The following VDAC1 variants were observed in gnomAD, a reference collection of about 807,000 sequenced individuals.
The protein encoded by VDAC1 is voltage dependent anion channel 1.
Under a neutral mutation model 34.7 loss-of-function variants are expected in VDAC1, and 10 were observed. The ratio of observed to expected loss-of-function variants is 0.29; its 90% CI spans 0.18 to 0.49. The LOEUF is 0.49. VDAC1 is among the 20% of genes least tolerant of loss of function. The probability of loss-of-function intolerance (pLI) is 0.99; values close to 1 mark genes in which losing one functional copy is unlikely to be tolerated. For missense variants in VDAC1, 230 were observed against 347.9 expected, an observed-to-expected ratio of 0.66 and a Z score of 2.69; for synonymous variants, 130 against 136.0, an observed-to-expected ratio of 0.96 and a Z score of 0.30.
chr5:134,004,779 C>G (rs1333314951), intron 1 of VDAC1, 116 bp downstream of exon 1: 1 of 149,498 alleles, frequency 6.7e-6, no homozygotes, highest in Non-Finnish European at 1.5e-5. Context: ...GGCGGCGGCG[C>G]GGACCCGCCT....
chr5:134,066,667 C>A, the VDAC1 span, among the ~76,000 whole-genome samples: 1 of 152,332 alleles, frequency 6.6e-6, no homozygotes, highest in Non-Finnish European at 1.5e-5. Context: ...CTCTTCCTTT[C>A]TTATTGCTCT....
chr5:134,043,923 C>G, the VDAC1 span, among the ~76,000 whole-genome samples: 2 of 152,144 alleles, frequency 1.3e-5, no homozygotes, highest in Non-Finnish European at 2.9e-5. Context: ...CTTCCATTCT[C>G]TCACCTAATC....
chr5:134,035,440 G>A, the VDAC1 span, among the ~76,000 whole-genome samples: 1 of 152,112 alleles, frequency 6.6e-6, no homozygotes, highest in African/African-American at 2.4e-5. Flanking sequence ...TAGAAAAGAG[G>A]TCTCATCATT....
chr5:134,092,059 ACTAAGTC>A, the VDAC1 span, among the ~76,000 whole-genome samples: 1 of 152,134 alleles, frequency 6.6e-6, no homozygotes, highest in Non-Finnish European at 1.5e-5. Context: ...CAACCCTTGA[ACTAAGTC>A]CTGGTGTTTG....
At chr5:133,981,072 A>T in intron 5 of VDAC1, 116 bp from the exon 6 acceptor site, 1 of 829,276 alleles carries the variant, frequency 1.2e-6, no homozygotes, top group African/African-American at 1.7e-5. Flanking sequence ...GGGTGAAGTC[A>T]GGGCTCCAGT....
the VDAC1 span, among the ~76,000 whole-genome samples, chr5:134,048,135 C>T: frequency 6.6e-6 from 1 of 151,974 alleles, no homozygotes; most frequent in Non-Finnish European, 1.5e-5. Context: ...GCCCTGCTAA[C>T]TTTTTCTATT....
the VDAC1 span, among the ~76,000 whole-genome samples, chr5:134,101,374 G>A: frequency 8.5e-5 from 13 of 152,124 alleles, no homozygotes; most frequent in African/African-American, 2.9e-4. Flanking sequence ...CAGATCACCC[G>A]AGGTCAGTAG....
At chr5:134,108,020 A>G in the VDAC1 span, among the ~76,000 whole-genome samples, 1 of 152,238 alleles carries the variant, frequency 6.6e-6, no homozygotes, top group Non-Finnish European at 1.5e-5. Context: ...ACTCACTCAC[A>G]GGAAACAGAG....
chr5:134,062,394 A>G, the VDAC1 span, among the ~76,000 whole-genome samples: 1 of 151,654 alleles, frequency 6.6e-6, no homozygotes, highest in African/African-American at 2.4e-5. Flanking sequence ...TTAATTTGGC[A>G]AATTACTTTA....
chr5:134,073,001 C>T, the VDAC1 span, among the ~76,000 whole-genome samples: 49 of 152,238 alleles, frequency 3.2e-4, no homozygotes, highest in East Asian at 8.3e-3. Flanking sequence ...GCTCACTGCA[C>T]GGGGGTGGGC....
chr5:134,065,117 T>C, the VDAC1 span, among the ~76,000 whole-genome samples: 1 of 152,096 alleles, frequency 6.6e-6, no homozygotes, highest in South Asian at 2.1e-4. Flanking sequence ...TATTAATTTT[T>C]AGTCTTTTTC....
the VDAC1 span, among the ~76,000 whole-genome samples, chr5:134,041,179 G>T: frequency 1.3e-5 from 2 of 152,194 alleles, no homozygotes; most frequent in African/African-American, 4.8e-5. Context: ...TGGCTGACCC[G>T]CAGGCTCCTT....
chr5:134,051,608 T>TA, the VDAC1 span, among the ~76,000 whole-genome samples: 1 of 151,796 alleles, frequency 6.6e-6, no homozygotes, highest in Non-Finnish European at 1.5e-5. Flanking sequence ...TAAATGATGT[T>TA]AATCATCAAT....
the VDAC1 span, chr5:134,082,053 G>A: frequency 7.0e-5 from 11 of 156,220 alleles, no homozygotes; most frequent in South Asian, 2.1e-3. Flanking sequence ...TCGTCAGCAG[G>A]GAGGGTAGGG....
the VDAC1 span, among the ~76,000 whole-genome samples, chr5:134,051,685 C>CTTTGTT: frequency 3.2e-5 from 4 of 123,402 alleles, no homozygotes; most frequent in African/African-American, 1.1e-4. Flanking sequence ...TTTTTTTTGG[C>CTTTGTT]TTTGTTTTTG....
At chr5:134,104,836 C>T in the VDAC1 span, among the ~76,000 whole-genome samples, 702 of 152,342 alleles carry the variant, frequency 4.6e-3, 2 homozygotes, top group Non-Finnish European at 7.5e-3. Context: ...AGGGGATATA[C>T]TTTCACCACT....
the VDAC1 span, among the ~76,000 whole-genome samples, chr5:134,020,846 A>G: frequency 1.3e-5 from 2 of 151,896 alleles, no homozygotes; most frequent in Non-Finnish European, 2.9e-5. Context: ...CCAGCTATGG[A>G]ACAGGCATCT....
the VDAC1 span, among the ~76,000 whole-genome samples, chr5:134,056,434 ATT>A: frequency 0.25 from 29,063 of 118,380 alleles, 2,920 homozygotes; most frequent in Middle Eastern, 0.34. Flanking sequence ...GCTGCACTGA[ATT>A]TTTTTTTTTT....
the VDAC1 span, among the ~76,000 whole-genome samples, chr5:134,085,741 AAAAAAAAAAAAAT>A: frequency 4.7e-5 from 7 of 149,420 alleles, no homozygotes; most frequent in African/African-American, 1.7e-4. Context: ...AAAAAAAAAA[AAAAAAAAAAAAAT>A]TTCATTAGCT....
Sources: allele counts gnomAD v4.1 joint callset (sites outside exome capture counted in the v4.1 genomes callset), GRCh38; gene constraint gnomAD v4.1.1; transcripts MANE v1.5; gene names NCBI Gene and HGNC (gene_info 2026-07-23, HGNC 2026-07-21).